The following HORMAD2 variants were observed in gnomAD, a reference collection of about 807,000 sequenced individuals.
HORMAD2 encodes the protein HORMA domain-containing protein 2.
In HORMAD2, 45 loss-of-function variants were observed where a neutral mutation model predicts 38.8. The observed-to-expected ratio is 1.16, with a 90% CI of 0.91 to 1.49. HORMAD2 has a LOEUF of 1.49. HORMAD2 is among the 40% of genes most tolerant of loss of function. The pLI, the probability that HORMAD2 is intolerant of heterozygous loss-of-function variation, is 0.00. For missense variants in HORMAD2, 338 were observed against 367.0 expected (o/e 0.92, Z 0.65); for synonymous variants, 126 against 122.8 (o/e 1.03, Z -0.17).
chr22:30,086,144 C>A (rs2068567093), intron 1 of HORMAD2, among the ~76,000 whole-genome samples: 1 of 152,132 alleles, frequency 6.6e-6, no homozygotes, highest in Non-Finnish European at 1.5e-5. Context: ...TGTAGCACCT[C>A]CCCTTTCCCT....
intron 10 of HORMAD2, among the ~76,000 whole-genome samples, chr22:30,149,692 T>C (rs549604812): frequency 4.3e-4 from 66 of 152,352 alleles, no homozygotes; most frequent in Admixed American, 2.2e-3. Flanking sequence ...TATTCTTGGT[T>C]TCCTCCCTCA....
chr22:30,123,425 G>A (rs4823076), intron 10 of HORMAD2, among the ~76,000 whole-genome samples: 106,674 of 152,080 alleles, frequency 0.7, 38,422 homozygotes, highest in South Asian at 0.87. Flanking sequence ...GCCTCAGCTT[G>A]CCAAGGAATC....
intron 4 of HORMAD2, among the ~76,000 whole-genome samples, 193 bp downstream of exon 4, chr22:30,103,693 C>G: frequency 1.1e-5 from 1 of 90,176 alleles, no homozygotes; most frequent in South Asian, 4.2e-4. Flanking sequence ...GATGGAGTCT[C>G]GCTCTGTCCC....
intron 10 of HORMAD2, among the ~76,000 whole-genome samples, chr22:30,168,965 A>G (rs1429004840): frequency 6.6e-6 from 1 of 152,072 alleles, no homozygotes; most frequent in Non-Finnish European, 1.5e-5. Flanking sequence ...GACCCAGCCC[A>G]CCACTCCCAC....
intron 10 of HORMAD2, among the ~76,000 whole-genome samples, chr22:30,175,047 C>A (rs1373699669): frequency 6.6e-6 from 1 of 151,526 alleles, no homozygotes; most frequent in Non-Finnish European, 1.5e-5. Context: ...CATTTTGATA[C>A]ACAATCTTTG....
chr22:30,090,994 C>G (rs2068671799), intron 1 of HORMAD2, among the ~76,000 whole-genome samples: 1 of 152,190 alleles, frequency 6.6e-6, no homozygotes. Flanking sequence ...TATCCAACCT[C>G]CTCCCTGCTG....
At chr22:30,103,792 G>C (rs942762239) in intron 4 of HORMAD2, among the ~76,000 whole-genome samples, 2 of 150,030 alleles carry the variant, frequency 1.3e-5, no homozygotes, top group Non-Finnish European at 3.0e-5. Flanking sequence ...CTCCCGGGTA[G>C]CTGGGACTAC....
chr22:30,146,983 G>C (rs1443192795), intron 10 of HORMAD2, among the ~76,000 whole-genome samples: 1 of 152,074 alleles, frequency 6.6e-6, no homozygotes, highest in Non-Finnish European at 1.5e-5. Flanking sequence ...AAATTAATAA[G>C]ACATATGCCA....
intron 10 of HORMAD2, among the ~76,000 whole-genome samples, chr22:30,163,739 T>C (rs1432151664): frequency 2.0e-5 from 3 of 152,010 alleles, no homozygotes; most frequent in East Asian, 3.8e-4. Flanking sequence ...TGTGCTGACT[T>C]TTATTTTTAT....
chr22:30,175,121 T>C (rs192901541), intron 10 of HORMAD2, among the ~76,000 whole-genome samples: 86 of 149,318 alleles, frequency 5.8e-4, no homozygotes, highest in African/African-American at 1.9e-3. Context: ...AACATATCAA[T>C]AATAATAACA....
At chr22:30,122,324 C>T in intron 10 of HORMAD2, 110 bp downstream of exon 10, 1 of 951,004 alleles carries the variant, frequency 1.1e-6, no homozygotes, top group Non-Finnish European at 1.5e-6. Flanking sequence ...AAAACTGAAA[C>T]AAAACTAGTC....
At chr22:30,092,234 T>C (rs2068702511) in intron 1 of HORMAD2, among the ~76,000 whole-genome samples, 1 of 152,046 alleles carries the variant, frequency 6.6e-6, no homozygotes, top group Admixed American at 6.6e-5. Context: ...TGATATCTCA[T>C]TGTGGTTTCA....
intron 10 of HORMAD2, among the ~76,000 whole-genome samples, chr22:30,171,410 A>T (rs1926101822): frequency 6.6e-6 from 1 of 152,054 alleles, no homozygotes; most frequent in South Asian, 2.1e-4. Flanking sequence ...CAAACTAGAA[A>T]CTGGGAAGTT....
intron 10 of HORMAD2, 91 bp from the exon 11 acceptor site, chr22:30,175,972 G>T (rs1926431474): frequency 6.0e-6 from 5 of 829,118 alleles, no homozygotes; most frequent in Non-Finnish European, 8.0e-6. Context: ...GCAGCTTGAG[G>T]GATTAATGCT....
At chr22:30,122,437 A>G (rs879772404) in intron 10 of HORMAD2, among the ~76,000 whole-genome samples, 25 of 152,298 alleles carry the variant, frequency 1.6e-4, no homozygotes, top group Admixed American at 1.6e-3. Flanking sequence ...AAGATTTTCT[A>G]ATATATTTAT....
intron 10 of HORMAD2, 68 bp downstream of exon 10, chr22:30,122,282 C>T: frequency 6.9e-7 from 1 of 1,454,310 alleles, no homozygotes; most frequent in Non-Finnish European, 9.3e-7. Flanking sequence ...CAGTTTCTAC[C>T]CAGGGCATGC....
chr22:30,152,288 C>T (rs1395004834), intron 10 of HORMAD2, among the ~76,000 whole-genome samples: 1 of 151,978 alleles, frequency 6.6e-6, no homozygotes, highest in Non-Finnish European at 1.5e-5. Context: ...GCTTTGAACT[C>T]CTGGGCTCAA....
rs186179749 is a variant in HORMAD2 at position 30,112,257 on chromosome 22, T to C, written c.316-239T>C. Among the ~76,000 whole-genome samples, 577 of 152,250 alleles carry C rather than the reference T, an allele frequency of 3.8e-3. 4 individuals carry two copies. The highest frequency in any genetic ancestry group is 0.013 in the African/African-American group (547 of 41,560). On this transcript the variant is annotated intron_variant, in intron 6 of 10. Coordinates refer to ENST00000336726, the MANE Select transcript of HORMAD2 (RefSeq NM_152510.4). ...ACCATAATGGATTATTTAGAATTTA[T>C]TTGTAGCTTAGTCATGGTAATTATG...
intron 10 of HORMAD2, among the ~76,000 whole-genome samples, chr22:30,146,686 T>G (rs1924442210): frequency 6.6e-6 from 1 of 151,756 alleles, no homozygotes; most frequent in Non-Finnish European, 1.5e-5. Context: ...ATACTAGAGG[T>G]CCCACCAGCT....
Sources: gnomAD v4.1 joint callset for allele counts (sites outside exome capture counted in the v4.1 genomes callset) on GRCh38, gnomAD v4.1.1 for gene constraint, MANE v1.5 for transcripts, NCBI Gene and HGNC (gene_info 2026-07-23, HGNC 2026-07-21) for gene names.